Variants in FAM107B observed in about 807,000 individuals in gnomAD.
FAM107B encodes family with sequence similarity 107 member B, also known as protein FAM107B.
FAM107B carries 21 observed loss-of-function variants against 31.5 expected under a neutral mutation model. That is an observed-to-expected ratio of 0.67 (90% CI 0.47 to 0.96). The LOEUF is 0.96. Ranked by LOEUF, FAM107B falls within the 40% of genes least tolerant of loss-of-function variation. The pLI is 0.00. For missense variants in FAM107B, 452 were observed against 377.1 expected, an observed-to-expected ratio of 1.20 and a Z score of -1.64; for synonymous variants, 157 against 141.5, an observed-to-expected ratio of 1.11 and a Z score of -0.78.
At chr10:14,684,289 C>A (rs1393653736) in intron 1 of FAM107B, among the ~76,000 whole-genome samples, 1 of 152,006 alleles carries the variant, frequency 6.6e-6, no homozygotes, top group Non-Finnish European at 1.5e-5. Context: ...CCCGTCTCTA[C>A]TAAAAATAAA....
chr10:14,668,432 T>C (rs1156603169), intron 1 of FAM107B, among the ~76,000 whole-genome samples: 2 of 152,194 alleles, frequency 1.3e-5, no homozygotes, highest in African/African-American at 4.8e-5. Context: ...TGATTTCATG[T>C]ACTTTCGAAA....
intron 2 of FAM107B, among the ~76,000 whole-genome samples, chr10:14,634,224 G>A (rs978783225): frequency 2.0e-5 from 3 of 151,672 alleles, no homozygotes; most frequent in Admixed American, 1.3e-4. Flanking sequence ...GTGAAACCCC[G>A]TCTCTACTAA....
At chr10:14,739,590 G>C (rs1402267955) in intron 1 of FAM107B, among the ~76,000 whole-genome samples, 4 of 151,318 alleles carry the variant, frequency 2.6e-5, no homozygotes, top group Non-Finnish European at 2.9e-5. Context: ...ATTATCATCA[G>C]TGCCTGGCAT....
intron 2 of FAM107B, among the ~76,000 whole-genome samples, chr10:14,548,150 G>A (rs1848883989): frequency 6.6e-6 from 1 of 152,218 alleles, no homozygotes; most frequent in Non-Finnish European, 1.5e-5. Flanking sequence ...CTGGTTGGCT[G>A]AACCAGTTAC....
At chr10:14,732,636 T>A (rs895837159) in intron 1 of FAM107B, among the ~76,000 whole-genome samples, 9 of 151,880 alleles carry the variant, frequency 5.9e-5, no homozygotes, top group Non-Finnish European at 8.8e-5. Context: ...TTGACATAGT[T>A]AATCCACAAC....
rs531254741 is a variant in FAM107B, at chr10:14,650,203, G to A, written c.469+17431C>T. ...TTGGGTTGTAAAATCAGTCTTATTCGCATACAGTTTTTTTTTTTCATTAGG... is the reference window on the plus strand; with the variant it reads ...TTGGGTTGTAAAATCAGTCTTATTCACATACAGTTTTTTTTTTTCATTAGG... On this transcript the variant is annotated intron_variant, in intron 2 of 4. Transcript: ENST00000181796. Among the ~76,000 whole-genome samples, 85 of 149,674 alleles carry A rather than the reference G, an allele frequency of 5.7e-4. 1 individual carries two copies. Among genetic ancestry groups the A allele is most frequent in the African/African-American group, 1.7e-3 (71 of 41,090 alleles).
chr10:14,702,740 G>A (rs1177117971), intron 1 of FAM107B, among the ~76,000 whole-genome samples: 1 of 152,108 alleles, frequency 6.6e-6, no homozygotes, highest in Non-Finnish European at 1.5e-5. Context: ...AATAAGTTTT[G>A]GGTTGAAGGA....
chr10:14,558,799 G>C (rs557139592), intron 2 of FAM107B, among the ~76,000 whole-genome samples: 117 of 152,248 alleles, frequency 7.7e-4, no homozygotes, highest in African/African-American at 2.8e-3. Context: ...GTTCTGCCAG[G>C]TGTAGTGAAA....
intron 1 of FAM107B, among the ~76,000 whole-genome samples, chr10:14,736,335 C>T (rs1856298864): frequency 6.6e-6 from 1 of 152,160 alleles, no homozygotes; most frequent in Non-Finnish European, 1.5e-5. Flanking sequence ...TACTGGGTTG[C>T]TTATGAAAGT....
At chr10:14,667,869 A>T (rs1484935870) in intron 1 of FAM107B, among the ~76,000 whole-genome samples, 178 bp from the exon 2 acceptor site, 1 of 106,354 alleles carries the variant, frequency 9.4e-6, no homozygotes, top group Non-Finnish European at 2.1e-5. Context: ...ATAAATGCCA[A>T]GTAGAGTAGA....
chr10:14,756,736 C>T (rs1832937956), intron 1 of FAM107B, among the ~76,000 whole-genome samples: 1 of 152,068 alleles, frequency 6.6e-6, no homozygotes, highest in South Asian at 2.1e-4. Flanking sequence ...ACACTGCTCA[C>T]AATAGCAAAG....
At chr10:14,736,248 G>A (rs939334373) in intron 1 of FAM107B, among the ~76,000 whole-genome samples, 2 of 152,234 alleles carry the variant, frequency 1.3e-5, no homozygotes, top group Non-Finnish European at 2.9e-5. Context: ...TAGACAGGAA[G>A]TCATTAGGTC....
chr10:14,746,214 G>C (rs1832724677), intron 1 of FAM107B, among the ~76,000 whole-genome samples: 2 of 152,134 alleles, frequency 1.3e-5, no homozygotes, highest in African/African-American at 4.8e-5. Context: ...TAGGTCTCTT[G>C]AATCAGCACA....
At chr10:14,688,395 T>C (rs920050841) in intron 1 of FAM107B, among the ~76,000 whole-genome samples, 1 of 152,160 alleles carries the variant, frequency 6.6e-6, no homozygotes, top group African/African-American at 2.4e-5. Flanking sequence ...CTTTCATGTA[T>C]ACATCTGTCC....
intron 2 of FAM107B, among the ~76,000 whole-genome samples, chr10:14,541,812 C>T (rs1294165138): frequency 6.6e-6 from 1 of 152,200 alleles, no homozygotes; most frequent in Non-Finnish European, 1.5e-5. Flanking sequence ...CTCACAGTGA[C>T]TAGCAGACAC....
intron 2 of FAM107B, among the ~76,000 whole-genome samples, chr10:14,667,289 T>A (rs1159450759): frequency 1.3e-5 from 2 of 152,242 alleles, no homozygotes; most frequent in Non-Finnish European, 2.9e-5. Context: ...TTTTCCAAGA[T>A]AATCATAAAT....
rs947039167 is a variant in FAM107B, at chr10:14,753,606, G to A, written c.411+20647C>T. ...AGTTTTCCTCAGATCCATTATGTTT[G>A]TTGTGTGTAGATGGTTGGGAAGGAA... On this transcript the variant is annotated intron_variant, in intron 1 of 4. Coordinates refer to ENST00000181796, the MANE Select transcript of FAM107B (RefSeq NM_031453.4). Among the ~76,000 whole-genome samples the A allele has an allele frequency of 3.3e-5, 5 of 152,158 alleles. No individual in the cohort carries two copies. The East Asian group carries it at 9.6e-4, about 29-fold the overall frequency.
chr10:14,611,484 T>TTATATATATA (rs3035276), intron 2 of FAM107B, among the ~76,000 whole-genome samples: 16 of 124,680 alleles, frequency 1.3e-4, no homozygotes, highest in South Asian at 2.8e-4. Context: ...AATGCCAGTT[T>TTATATATATA]TATATATATA....
intron 2 of FAM107B, among the ~76,000 whole-genome samples, chr10:14,629,128 G>A (rs1229976267): frequency 6.8e-6 from 1 of 146,154 alleles, no homozygotes; most frequent in Non-Finnish European, 1.5e-5. Flanking sequence ...AATTTAAGAT[G>A]TTTAAAGGAG....
Sources: gnomAD v4.1 joint callset for allele counts (sites outside exome capture counted in the v4.1 genomes callset) on GRCh38, gnomAD v4.1.1 for gene constraint, MANE v1.5 for transcripts, NCBI Gene and HGNC (gene_info 2026-07-23, HGNC 2026-07-21) for gene names.